TMEFF1: variants seen among roughly 807,000 people sequenced by gnomAD.
TMEFF1 encodes the protein transmembrane protein with EGF like and two follistatin like domains 1, also known as tomoregulin-1.
In TMEFF1, 20 loss-of-function variants were observed where a neutral mutation model predicts 47.5. The observed-to-expected ratio is 0.42, with a 90% CI of 0.30 to 0.61. TMEFF1 has a LOEUF of 0.61. TMEFF1 is among the 20% of genes least tolerant of loss of function. TMEFF1 has a pLI of 0.19. For missense variants in TMEFF1, 411 were observed against 471.1 expected, an observed-to-expected ratio of 0.87 and a Z score of 1.18; for synonymous variants, 162 against 166.3, an observed-to-expected ratio of 0.97 and a Z score of 0.20.
At chr9:100,550,548 C>A (rs575378486) in intron 7 of TMEFF1, among the ~76,000 whole-genome samples, 1 of 152,310 alleles carries the variant, frequency 6.6e-6, no homozygotes, top group Non-Finnish European at 1.5e-5. Flanking sequence ...TATTTCCTTT[C>A]CTGATTAATT....
At chr9:100,484,609 G>A (rs145976331) in intron 1 of TMEFF1, among the ~76,000 whole-genome samples, 7 of 148,986 alleles carry the variant, frequency 4.7e-5, no homozygotes, top group Non-Finnish European at 8.9e-5. Context: ...GTGAGCCGCC[G>A]CGCCTGGCCA....
intron 5 of TMEFF1, among the ~76,000 whole-genome samples, chr9:100,540,367 C>T (rs532458248): frequency 5.1e-4 from 77 of 152,372 alleles, no homozygotes; most frequent in African/African-American, 1.6e-3. Flanking sequence ...GAAGCCCAGC[C>T]GGCTTCACCT....
At chr9:100,568,761 T>G (rs531362124) in intron 8 of TMEFF1, among the ~76,000 whole-genome samples, 2 of 152,292 alleles carry the variant, frequency 1.3e-5, no homozygotes, top group South Asian at 4.1e-4. Flanking sequence ...ATCCGCTAAT[T>G]TATTTTCTAT....
chr9:100,497,742 T>TA (rs920291500), intron 1 of TMEFF1, among the ~76,000 whole-genome samples: 3 of 152,158 alleles, frequency 2.0e-5, no homozygotes, highest in African/African-American at 7.2e-5. Flanking sequence ...GGAATGGGGA[T>TA]AACTGGAGAA....
chr9:100,477,772 G>T (rs543874991), intron 1 of TMEFF1, among the ~76,000 whole-genome samples: 4 of 151,662 alleles, frequency 2.6e-5, no homozygotes, highest in African/African-American at 9.7e-5. Context: ...GACTACAGGC[G>T]CACACCACCA....
intron 8 of TMEFF1, among the ~76,000 whole-genome samples, chr9:100,565,921 C>T (rs1439107411): frequency 6.6e-6 from 1 of 152,182 alleles, no homozygotes; most frequent in Admixed American, 6.5e-5. Flanking sequence ...CAGTTCCTCA[C>T]TTCCCATTTC....
chr9:100,480,834 T>G (rs1016506862), intron 1 of TMEFF1, among the ~76,000 whole-genome samples: 2 of 152,264 alleles, frequency 1.3e-5, no homozygotes, highest in Non-Finnish European at 2.9e-5. Flanking sequence ...CAATGATCAC[T>G]CTTGTATATG....
intron 9 of TMEFF1, 127 bp downstream of exon 9, chr9:100,572,803 C>T: frequency 8.4e-7 from 1 of 1,192,230 alleles, no homozygotes; most frequent in Non-Finnish European, 1.1e-6. Context: ...TTTCAGTGGT[C>T]TCTCCCTATC....
chr9:100,573,781 A>C (rs1302172507), intron 9 of TMEFF1, among the ~76,000 whole-genome samples: 1 of 152,252 alleles, frequency 6.6e-6, no homozygotes, highest in Non-Finnish European at 1.5e-5. Flanking sequence ...TCTCCAAGTA[A>C]CAGATATTTT....
intron 3 of TMEFF1, among the ~76,000 whole-genome samples, chr9:100,510,814 T>A (rs1837950072): frequency 6.6e-6 from 1 of 152,054 alleles, no homozygotes; most frequent in African/African-American, 2.4e-5. Flanking sequence ...TAAGTATAAT[T>A]TGATGAGTTG....
intron 5 of TMEFF1, among the ~76,000 whole-genome samples, chr9:100,538,886 T>C (rs931596795): frequency 4.6e-5 from 7 of 152,188 alleles, no homozygotes; most frequent in African/African-American, 1.7e-4. Context: ...TTTCACATTT[T>C]CTGGTATACA....
chr9:100,538,532 T>C (rs1301821625), intron 5 of TMEFF1, among the ~76,000 whole-genome samples: 1 of 152,236 alleles, frequency 6.6e-6, no homozygotes, highest in Non-Finnish European at 1.5e-5. Flanking sequence ...CATCTGTCTC[T>C]CACCCACATG....
At chr9:100,496,550 A>C (rs1164199864) in intron 1 of TMEFF1, among the ~76,000 whole-genome samples, 2 of 152,206 alleles carry the variant, frequency 1.3e-5, no homozygotes, top group Non-Finnish European at 2.9e-5. Context: ...AGTGGGACCA[A>C]GCTTTTCTGC....
chr9:100,532,494 T>C (rs1481393135), intron 5 of TMEFF1, among the ~76,000 whole-genome samples: 2 of 152,000 alleles, frequency 1.3e-5, no homozygotes, highest in South Asian at 2.1e-4. Context: ...AAAATGCTCA[T>C]CATCACTGGC....
At chr9:100,540,712 T>C (rs1339611827) in intron 5 of TMEFF1, among the ~76,000 whole-genome samples, 1 of 152,244 alleles carries the variant, frequency 6.6e-6, no homozygotes, top group African/African-American at 2.4e-5. Context: ...TTCCCTTAGC[T>C]TCTCATCCTT....
At chr9:100,570,543 C>T (rs1839218583) in intron 8 of TMEFF1, among the ~76,000 whole-genome samples, 1 of 152,038 alleles carries the variant, frequency 6.6e-6, no homozygotes, top group African/African-American at 2.4e-5. Flanking sequence ...AGTTCTTTCC[C>T]CATTGAGTTA....
At chr9:100,571,066 C>T (rs776754019) in intron 8 of TMEFF1, among the ~76,000 whole-genome samples, 3 of 152,152 alleles carry the variant, frequency 2.0e-5, no homozygotes, top group Non-Finnish European at 4.4e-5. Context: ...TTAGCACCTA[C>T]AGCTTACCTC....
intron 2 of TMEFF1, among the ~76,000 whole-genome samples, chr9:100,504,702 C>T (rs984722809): frequency 6.6e-6 from 1 of 152,188 alleles, no homozygotes; most frequent in African/African-American, 2.4e-5. Context: ...AGCCCATAGT[C>T]ACATGGTTGG....
At chr9:100,508,938 A>T (rs1281038247) in intron 2 of TMEFF1, 67 bp from the exon 3 acceptor site, 1 of 1,438,838 alleles carries the variant, frequency 7.0e-7, no homozygotes, top group Non-Finnish European at 9.1e-7. Flanking sequence ...TATTGCATTC[A>T]TGAATGTGAA....
Sources: allele counts gnomAD v4.1 joint callset (sites outside exome capture counted in the v4.1 genomes callset), GRCh38; gene constraint gnomAD v4.1.1; transcripts MANE v1.5; gene names NCBI Gene and HGNC (gene_info 2026-07-23, HGNC 2026-07-21).